The following SCX variants were observed in gnomAD, a reference collection of about 807,000 sequenced individuals.
SCX encodes the protein basic helix-loop-helix transcription factor scleraxis.
SCX carries 7 observed loss-of-function variants against 12.2 expected under a neutral mutation model. The ratio of observed to expected loss-of-function variants is 0.57; its 90% CI spans 0.33 to 1.08. SCX has a LOEUF of 1.08. Among genes scored for constraint, SCX ranks in the 50% least tolerant of loss-of-function variants. SCX has a pLI of 0.04. For missense variants in SCX, 342 were observed against 337.2 expected (o/e 1.01, Z -0.11); for synonymous variants, 193 against 163.9 (o/e 1.18, Z -1.36).
rs1273274775 is a variant in SCX, at chr8:144,268,459, A to C, written c.*317A>C. The stretch of plus-strand genomic sequence containing the variant: ...AAAGTCTGAAAATTTTGTATAATTA[A>C]AAACAAAACAGTATCTTCCAAATAT... On this transcript the variant is annotated 3_prime_UTR_variant, in exon 2 of 2. Coordinates refer to ENST00000567180, the MANE Select transcript of SCX (RefSeq NM_001080514.3). 1 of 523,232 alleles carries C rather than the reference A, an allele frequency of 1.9e-6. No homozygotes were observed. Among genetic ancestry groups the C allele is most frequent in the Non-Finnish European group, 3.4e-6 (1 of 295,876 alleles). 32.4% of individuals were successfully genotyped at this position (523,232 alleles called of 1,614,324 possible). A position where few individuals can be genotyped will look rare whatever the true frequency, so the allele number is the denominator to read the frequency against.
rs1487242100 is a variant in SCX, at chr8:144,266,458, G to A, written c.-156G>A. 1,164 of 971,092 alleles carry A rather than the reference G, an allele frequency of 1.2e-3. 1 individual carries two copies. The highest frequency in any genetic ancestry group is 1.4e-3 in the Non-Finnish European group (1,106 of 817,128). 60.2% of individuals were successfully genotyped at this position (971,092 alleles called of 1,614,324 possible). On this transcript the variant is annotated 5_prime_UTR_variant, in exon 1 of 2. Transcript: ENST00000567180. Reference sequence around the variant, plus strand: ...GCAGCTCGGGGCCCCGCTCCGGCCCGGGACGCACATGTGCGCGCGACGCCC... The same window carrying A: ...GCAGCTCGGGGCCCCGCTCCGGCCCAGGACGCACATGTGCGCGCGACGCCC...
At chr8:144,268,002 T>C in intron 1 of SCX, 102 bp from the exon 2 acceptor site, 1 of 1,530,294 alleles carries the variant, frequency 6.5e-7, no homozygotes. Flanking sequence ...AGGAGGTGCC[T>C]TGGCGCTGGC....
At chr8:144,267,302 C>T (rs1226209220) in intron 1 of SCX, 122 bp downstream of exon 1, 7 of 1,210,386 alleles carry the variant, frequency 5.8e-6, no homozygotes, top group Non-Finnish European at 7.4e-6. Context: ...GCAGGCACAC[C>T]TGTAACACAG....
In SCX at chr8:144,266,689, G is replaced by A; in HGVS notation, c.76G>A (p.Glu26Lys). ...YPEVSPLSEDEDRGSDSSGSD... is the reference protein window; with the variant it reads ...YPEVSPLSEDKDRGSDSSGSD... ...CGAGGTGAGCCCGCTGTCGGAGGAC[G>A]AGGACCGCGGCAGCGACAGCTCGGG... Residue 26 changes from glutamate to lysine, a missense_variant, in exon 1 of 2, where the codon GAG becomes AAG. Transcript: ENST00000567180. 2 of 1,244,568 alleles carry A rather than the reference G, an allele frequency of 1.6e-6. No individual in the cohort carries two copies. The highest frequency in any genetic ancestry group is 2.1e-6 in the Non-Finnish European group (2 of 975,170). The allele number at this position is 1,244,568 out of a possible 1,614,324, so 77.1% of individuals were successfully genotyped here. A position where few individuals can be genotyped will look rare whatever the true frequency, so the allele number is the denominator to read the frequency against.
chr8:144,266,985 C>T lies in SCX; in HGVS notation c.372C>T (p.Ile124=). ...IETLRLASSY[I]SHLGNVLLAG... Reference sequence around the variant, plus strand: ...CGCTGCGCCTGGCCTCCAGCTACATCTCGCACCTGGGCAACGTGCTGCTGG... The same window carrying T: ...CGCTGCGCCTGGCCTCCAGCTACATTTCGCACCTGGGCAACGTGCTGCTGG... The change falls in exon 1 of 2, where the codon ATC becomes ATT. Residue 124 remains isoleucine (I), a synonymous_variant. Coordinates refer to ENST00000567180, the MANE Select transcript of SCX (RefSeq NM_001080514.3). 1.9e-6 allele frequency: 3 copies of T among 1,551,538 alleles called. No individual in the cohort carries two copies. Among genetic ancestry groups the T allele is most frequent in the Non-Finnish European group, 2.6e-6 (3 of 1,155,006 alleles).
In SCX at chr8:144,266,958, G is replaced by A; in HGVS notation, c.345G>A (p.Glu115=). ...CCGACCGCAAGCTCTCCAAGATTGA[G>A]ACGCTGCGCCTGGCCTCCAGCTACA... The part of the protein sequence containing the change: ...EPADRKLSKI[E]TLRLASSYIS... The change falls in exon 1 of 2, where the codon GAG becomes GAA. Residue 115 remains glutamate, a synonymous_variant. Coordinates refer to ENST00000567180, the MANE Select transcript of SCX (RefSeq NM_001080514.3). 2 of 1,559,546 alleles carry A rather than the reference G, an allele frequency of 1.3e-6. No individual in the cohort carries two copies. The highest frequency in any genetic ancestry group is 1.7e-6 in the Non-Finnish European group (2 of 1,158,960).
chr8:144,268,463 C>CA lies in SCX; in HGVS notation c.*325dup. 1 of 516,308 alleles carries CA rather than the reference C, an allele frequency of 1.9e-6. No individual in the cohort carries two copies. Among genetic ancestry groups the CA allele is most frequent in the Admixed American group, 3.6e-5 (1 of 27,638 alleles). 32.0% of individuals were successfully genotyped at this position (516,308 alleles called of 1,614,324 possible). A position where few individuals can be genotyped will look rare whatever the true frequency, so the allele number is the denominator to read the frequency against. ...TCTGAAAATTTTGTATAATTAAAAA[C>CA]AAAACAGTATCTTCCAAATATGGAG... On this transcript the variant is annotated 3_prime_UTR_variant, in exon 2 of 2. Coordinates refer to ENST00000567180, the MANE Select transcript of SCX (RefSeq NM_001080514.3).
chr8:144,267,736 G>A (rs1055218872), intron 1 of SCX, among the ~76,000 whole-genome samples: 6 of 152,178 alleles, frequency 3.9e-5, no homozygotes, highest in Non-Finnish European at 7.3e-5. Context: ...AGATGTGGGG[G>A]CTGGGGGTGA....
rs1845424375 is a variant in SCX, at chr8:144,268,173, G to C, written c.*31G>C. On this transcript the variant is annotated 3_prime_UTR_variant, in exon 2 of 2. Coordinates refer to ENST00000567180, the MANE Select transcript of SCX (RefSeq NM_001080514.3). ...GGCCGGCAGCAGCCAGGAGGCAGAC[G>C]CTGCTGGGGGAGGTGGACGCCCGGG... is the stretch of plus-strand genomic sequence containing the variant. 1 of 1,549,872 alleles carries C rather than the reference G, an allele frequency of 6.5e-7. No homozygotes were observed. Among genetic ancestry groups the C allele is most frequent in the African/African-American group, 1.4e-5 (1 of 73,154 alleles).
chr8:144,266,473 G>C lies in SCX; in HGVS notation c.-141G>C, dbSNP rs1225713361. The C allele has an allele frequency of 1.0e-6, 1 of 982,980 alleles. No homozygotes were observed. The highest frequency in any genetic ancestry group is 1.2e-6 in the Non-Finnish European group (1 of 828,160). 60.9% of individuals were successfully genotyped at this position (982,980 alleles called of 1,614,324 possible). ...GCTCCGGCCCGGGACGCACATGTGC[G>C]CGCGACGCCCGGCAGCTGCCACCGC... On this transcript the variant is annotated 5_prime_UTR_variant, in exon 1 of 2. Coordinates refer to ENST00000567180, the MANE Select transcript of SCX (RefSeq NM_001080514.3).
chr8:144,267,517 C>T (rs1359793597), intron 1 of SCX, among the ~76,000 whole-genome samples: 2 of 152,210 alleles, frequency 1.3e-5, no homozygotes, highest in African/African-American at 4.8e-5. Context: ...AGTTGAAAGG[C>T]GGAGTGAAAA....
At position 144,266,698 on chromosome 8, in the gene SCX, G is replaced by C. The variant is rs1588591098; in HGVS notation, c.85G>C (p.Gly29Arg). ...VSPLSEDEDR[G>R]SDSSGSDEKP... Reference sequence around the variant, plus strand: ...CCCGCTGTCGGAGGACGAGGACCGCGGCAGCGACAGCTCGGGCTCCGACGA... The same window carrying C: ...CCCGCTGTCGGAGGACGAGGACCGCCGCAGCGACAGCTCGGGCTCCGACGA... The change falls in exon 1 of 2, where the codon GGC becomes CGC. Residue 29 changes from glycine to arginine, a missense_variant. Physicochemically the swap from Gly to Arg is moderately radical, Grantham distance 125 (BLOSUM62 -2). Transcript: ENST00000567180. 7.3e-6 allele frequency: 9 copies of C among 1,235,056 alleles called. No individual in the cohort carries two copies. The highest frequency in any genetic ancestry group is 9.3e-6 in the Non-Finnish European group (9 of 969,844). 76.5% of individuals were successfully genotyped at this position (1,235,056 alleles called of 1,614,324 possible).
chr8:144,266,517 C>A lies in SCX; in HGVS notation c.-97C>A. The A allele has an allele frequency of 1.0e-6, 1 of 989,276 alleles. No individual in the cohort carries two copies. Among genetic ancestry groups the A allele is most frequent in the Non-Finnish European group, 1.2e-6 (1 of 833,594 alleles). The allele number at this position is 989,276 out of a possible 1,614,324, so 61.3% of individuals were successfully genotyped here. On this transcript the variant is annotated 5_prime_UTR_variant, in exon 1 of 2. Coordinates refer to ENST00000567180, the MANE Select transcript of SCX (RefSeq NM_001080514.3). ...CCACCGCGGGGCGCAGCCGAGACCC[C>A]GCGCCTCGCCCCGGCCGGCCCGCGA...
chr8:144,266,810 C>T lies in SCX; in HGVS notation c.197C>T (p.Pro66Leu). 8.6e-7 allele frequency: 1 copy of T among 1,160,744 alleles called. No homozygotes were observed. Among genetic ancestry groups the T allele is most frequent in the Non-Finnish European group, 1.1e-6 (1 of 941,568 alleles). 71.9% of individuals were successfully genotyped at this position (1,160,744 alleles called of 1,614,324 possible). ...AGGRRAGGGGPGGRPGREPRQ... is the reference protein window; with the variant it reads ...AGGRRAGGGGLGGRPGREPRQ... ...GGCCGGCGGGCCGGGGGCGGGGGGCCAGGGGGCCGGCCAGGCCGTGAGCCC... is the reference window on the plus strand; with the variant it reads ...GGCCGGCGGGCCGGGGGCGGGGGGCTAGGGGGCCGGCCAGGCCGTGAGCCC... Residue 66 changes from proline to leucine, a missense_variant, in exon 1 of 2, where the codon CCA becomes CTA. By Grantham distance (98) the Pro-to-Leu change is moderately conservative. This residue lies in a region of SCX where 139 missense variants were observed against 107.8 expected (regional missense o/e 1.29). Transcript: ENST00000567180.
chr8:144,268,201 G>A lies in SCX; in HGVS notation c.*59G>A. The A allele has an allele frequency of 5.2e-6, 8 of 1,547,480 alleles. No homozygotes were observed. The highest frequency in any genetic ancestry group is 7.0e-6 in the Non-Finnish European group (8 of 1,145,746). ...GCTGGGGGAGGTGGACGCCCGGGGT[G>A]ACTGCAGACAGCCCCCACCTTGGAC... is the stretch of plus-strand genomic sequence containing the variant. On this transcript the variant is annotated 3_prime_UTR_variant, in exon 2 of 2. Coordinates refer to ENST00000567180, the MANE Select transcript of SCX (RefSeq NM_001080514.3).
In SCX at chr8:144,266,523, T is replaced by A; in HGVS notation, c.-91T>A. On this transcript the variant is annotated 5_prime_UTR_variant, in exon 1 of 2. Coordinates refer to ENST00000567180, the MANE Select transcript of SCX (RefSeq NM_001080514.3). ...CGGGGCGCAGCCGAGACCCCGCGCC[T>A]CGCCCCGGCCGGCCCGCGAGGCCCG... The A allele has an allele frequency of 1.0e-6, 1 of 989,514 alleles. No homozygotes were observed. 61.3% of individuals were successfully genotyped at this position (989,514 alleles called of 1,614,324 possible).
Position 144,266,993 on chromosome 8 carries a change from T to C in SCX, c.380T>C (p.Leu127Pro). 6.5e-7 allele frequency: 1 copy of C among 1,545,908 alleles called. No individual in the cohort carries two copies. Among genetic ancestry groups the C allele is most frequent in the Non-Finnish European group, 8.7e-7 (1 of 1,152,378 alleles). The part of the protein sequence containing the change: ...LRLASSYISH[L>P]GNVLLAGEAC... ...CTGGCCTCCAGCTACATCTCGCACC[T>C]GGGCAACGTGCTGCTGGCGGGCGAG... The change falls in exon 1 of 2, where the codon CTG (leucine) becomes CCG (proline). Residue 127 changes from leucine (L) to proline (P), a missense_variant. Leu to Pro is a moderately conservative substitution (Grantham distance 98). Transcript: ENST00000567180.
At chr8:144,268,008 C>T in intron 1 of SCX, 96 bp from the exon 2 acceptor site, 1 of 1,538,354 alleles carries the variant, frequency 6.5e-7, no homozygotes, top group South Asian at 1.2e-5. Context: ...TGCCTTGGCG[C>T]TGGCCACCTG....
Position 144,268,307 on chromosome 8 carries a change from C to G in SCX, c.*165C>G. On this transcript the variant is annotated 3_prime_UTR_variant, in exon 2 of 2. Transcript: ENST00000567180. ...CGGGGCCGAGGGACAGACGGACGTA[C>G]AGACAGGCGCCGGCAGCGGGACTCT... 1.0e-6 allele frequency: 1 copy of G among 991,210 alleles called. No homozygotes were observed. Among genetic ancestry groups the G allele is most frequent in the South Asian group, 1.6e-5 (1 of 60,738 alleles). The allele number at this position is 991,210 out of a possible 1,614,324, so 61.4% of individuals were successfully genotyped here.
Sources: allele counts gnomAD v4.1 joint callset (sites outside exome capture counted in the v4.1 genomes callset), GRCh38; gene constraint gnomAD v4.1.1; regional missense constraint gnomAD v4.1.1; transcripts MANE v1.5; gene names NCBI Gene and HGNC (gene_info 2026-07-23, HGNC 2026-07-21).